ADAMTSL1: variants seen among roughly 807,000 people sequenced by gnomAD.
ADAMTSL1 encodes ADAMTS-like protein 1.
Under a neutral mutation model 201.8 loss-of-function variants are expected in ADAMTSL1, and 126 were observed. The observed-to-expected ratio is 0.62, with a 90% CI of 0.54 to 0.72. The LOEUF (loss-of-function observed/expected upper bound fraction) is 0.72. Ranked by LOEUF, ADAMTSL1 falls within the 30% of genes least tolerant of loss-of-function variation. The pLI is 0.00. For missense variants in ADAMTSL1, 2,679 were observed against 2,277.8 expected (o/e 1.18, Z -3.59); for synonymous variants, 1,121 against 903.4 (o/e 1.24, Z -4.32).
At chr9:18,804,363 TG>T (rs1292070260) in intron 20 of ADAMTSL1, among the ~76,000 whole-genome samples, 1 of 152,180 alleles carries the variant, frequency 6.6e-6, no homozygotes, top group African/African-American at 2.4e-5. Context: ...AGCTGACTAT[TG>T]GTCAAATGCT....
intron 5 of ADAMTSL1, among the ~76,000 whole-genome samples, chr9:18,627,880 G>A (rs1587738497): frequency 6.6e-6 from 1 of 152,148 alleles, no homozygotes. Flanking sequence ...TTACCACAGT[G>A]TGCTTTGTTC....
intron 1 of ADAMTSL1, among the ~76,000 whole-genome samples, chr9:18,158,014 A>C (rs1192732614): frequency 6.6e-6 from 1 of 151,988 alleles, no homozygotes. Flanking sequence ...GCAACCAAAA[A>C]TACTCACAGA....
At chr9:18,252,648 G>A (rs762211923) in intron 2 of ADAMTSL1, among the ~76,000 whole-genome samples, 5 of 151,904 alleles carry the variant, frequency 3.3e-5, no homozygotes, top group Admixed American at 6.6e-5. Context: ...TTCTATCCAC[G>A]GTTGATTGAG....
chr9:18,034,327 C>T (rs1821101646), intron 1 of ADAMTSL1, among the ~76,000 whole-genome samples: 1 of 152,084 alleles, frequency 6.6e-6, no homozygotes, highest in South Asian at 2.1e-4. Flanking sequence ...AAACATCACT[C>T]TTACTTTCTA....
chr9:18,176,230 T>G (rs1587232805), intron 2 of ADAMTSL1, among the ~76,000 whole-genome samples: 1 of 152,158 alleles, frequency 6.6e-6, no homozygotes, highest in Non-Finnish European at 1.5e-5. Flanking sequence ...CCTAGCGTAT[T>G]TTTAAGCAAG....
intron 8 of ADAMTSL1, 144 bp downstream of exon 8, chr9:18,657,894 G>A (rs780808476): frequency 6.5e-5 from 43 of 657,652 alleles, no homozygotes; most frequent in Non-Finnish European, 9.8e-5. Context: ...GGAATCTCGA[G>A]GCCCTCCTGT....
chr9:18,167,045 A>C (rs964901362), intron 2 of ADAMTSL1, among the ~76,000 whole-genome samples: 1 of 152,004 alleles, frequency 6.6e-6, no homozygotes, highest in South Asian at 2.1e-4. Context: ...AAGCCACAGC[A>C]GTCAACTAAA....
At chr9:18,640,777 T>C (rs182341688) in intron 7 of ADAMTSL1, among the ~76,000 whole-genome samples, 110 of 152,186 alleles carry the variant, frequency 7.2e-4, no homozygotes, top group Non-Finnish European at 1.0e-3. Context: ...TCTCTCAACA[T>C]TGGTTTTTCT....
intron 1 of ADAMTSL1, among the ~76,000 whole-genome samples, chr9:18,053,496 A>G (rs887479183): frequency 2.6e-5 from 4 of 152,152 alleles, no homozygotes; most frequent in Non-Finnish European, 5.9e-5. Context: ...AACAAAGTCC[A>G]TTTTCTGATT....
intron 2 of ADAMTSL1, among the ~76,000 whole-genome samples, chr9:18,203,194 T>TGGATGA (rs1428878566): frequency 2.6e-5 from 4 of 152,122 alleles, no homozygotes; most frequent in African/African-American, 9.7e-5. Context: ...TGCTGAAGTC[T>TGGATGA]AGCACCATAT....
intron 1 of ADAMTSL1, among the ~76,000 whole-genome samples, chr9:18,063,704 G>A (rs1822563877): frequency 6.6e-6 from 1 of 152,160 alleles, no homozygotes; most frequent in East Asian, 1.9e-4. Flanking sequence ...GTTCCCACAG[G>A]CAGCCTACTT....
At chr9:18,460,654 G>A (rs10733354) in intron 2 of ADAMTSL1, among the ~76,000 whole-genome samples, 1 of 151,974 alleles carries the variant, frequency 6.6e-6, no homozygotes, top group East Asian at 1.9e-4. Context: ...CTATCGCTAC[G>A]CTCAGCTTCT....
At chr9:18,563,901 G>A (rs1236853139) in intron 3 of ADAMTSL1, among the ~76,000 whole-genome samples, 2 of 152,330 alleles carry the variant, frequency 1.3e-5, no homozygotes, top group East Asian at 1.9e-4. Context: ...TCAGACTGCT[G>A]TGCTGGCAGT....
At chr9:18,794,873 C>T (rs1822301206) in intron 19 of ADAMTSL1, among the ~76,000 whole-genome samples, 2 of 152,054 alleles carry the variant, frequency 1.3e-5, no homozygotes, top group Non-Finnish European at 2.9e-5. Context: ...AACTCCTGGT[C>T]TCAGGTGATT....
chr9:18,850,454 A>G (rs1241864388), intron 23 of ADAMTSL1, among the ~76,000 whole-genome samples: 10 of 152,208 alleles, frequency 6.6e-5, no homozygotes, highest in Non-Finnish European at 1.2e-4. Context: ...CAGAGCCCAG[A>G]GGCTGACTGT....
At chr9:18,345,074 C>G (rs1835642811) in intron 2 of ADAMTSL1, among the ~76,000 whole-genome samples, 1 of 152,110 alleles carries the variant, frequency 6.6e-6, no homozygotes, top group Non-Finnish European at 1.5e-5. Context: ...GTCTGATCAT[C>G]CAGAGACAGT....
intron 2 of ADAMTSL1, among the ~76,000 whole-genome samples, chr9:18,326,722 C>T (rs1376433616): frequency 6.6e-6 from 1 of 152,126 alleles, no homozygotes; most frequent in African/African-American, 2.4e-5. Context: ...TGAATGCAAC[C>T]TATTGAGGCT....
intron 1 of ADAMTSL1, among the ~76,000 whole-genome samples, chr9:18,141,416 C>A (rs1381569252): frequency 1.3e-5 from 2 of 152,160 alleles, no homozygotes; most frequent in East Asian, 1.9e-4. Flanking sequence ...ACCAGGCCAG[C>A]TTTTCTAGAA....
At chr9:18,431,328 A>G (rs543152796) in intron 2 of ADAMTSL1, among the ~76,000 whole-genome samples, 1 of 152,296 alleles carries the variant, frequency 6.6e-6, no homozygotes, top group Admixed American at 6.5e-5. Flanking sequence ...AAATCCCATA[A>G]AATATCCCAT....
Sources: allele counts gnomAD v4.1 joint callset (sites outside exome capture counted in the v4.1 genomes callset), GRCh38; gene constraint gnomAD v4.1.1; transcripts MANE v1.5; gene names NCBI Gene and HGNC (gene_info 2026-07-23, HGNC 2026-07-21).